METTL15: variants seen among roughly 807,000 people sequenced by gnomAD.
The protein encoded by METTL15 is methyltransferase 15, mitochondrial 12S rRNA N4-cytidine.
Under a neutral mutation model 38.3 loss-of-function variants are expected in METTL15, and 34 were observed. The ratio of observed to expected loss-of-function variants is 0.89; its 90% CI spans 0.68 to 1.18. The LOEUF is 1.18. Ranked by LOEUF, METTL15 falls within the 50% of genes most tolerant of loss-of-function variation. The pLI is 0.00. For missense variants in METTL15, 438 were observed against 498.4 expected, an observed-to-expected ratio of 0.88 and a Z score of 1.15; for synonymous variants, 162 against 170.9, an observed-to-expected ratio of 0.95 and a Z score of 0.41.
intron 6 of METTL15, among the ~76,000 whole-genome samples, chr11:28,490,314 G>T (rs1282300332): frequency 6.6e-6 from 1 of 152,130 alleles, no homozygotes; most frequent in Non-Finnish European, 1.5e-5. Context: ...CAATGATCAT[G>T]ATAGCTAAAT....
At chr11:28,221,410 A>G (rs1282073573) in intron 4 of METTL15, among the ~76,000 whole-genome samples, 1 of 152,154 alleles carries the variant, frequency 6.6e-6, no homozygotes, top group East Asian at 1.9e-4. Flanking sequence ...TTTCAGCTCC[A>G]TCAGGTTCTT....
At chr11:28,327,131 CCACAAAA>C (rs1849663164) in intron 6 of METTL15, among the ~76,000 whole-genome samples, 1 of 152,066 alleles carries the variant, frequency 6.6e-6, no homozygotes, top group East Asian at 1.9e-4. Context: ...CAAAAAAGCT[CCACAAAA>C]CACATTGCTC....
chr11:28,145,979 G>T (rs1027393165), intron 3 of METTL15, among the ~76,000 whole-genome samples: 3 of 151,898 alleles, frequency 2.0e-5, no homozygotes, highest in Middle Eastern at 3.2e-3. Flanking sequence ...GGAAATATGA[G>T]ATATTTAAAT....
intron 3 of METTL15, chr11:28,134,676 T>C (rs1287967029): frequency 2.5e-6 from 1 of 398,260 alleles, no homozygotes; most frequent in East Asian, 3.6e-5. Context: ...AAGAATGGCA[T>C]GTCCATGCAT....
intron 5 of METTL15, among the ~76,000 whole-genome samples, chr11:28,370,405 G>T (rs904895878): frequency 6.6e-6 from 1 of 151,714 alleles, no homozygotes; most frequent in Non-Finnish European, 1.5e-5. Flanking sequence ...TCTTTTTATG[G>T]CTGAATAATA....
intron 6 of METTL15, among the ~76,000 whole-genome samples, chr11:28,468,487 A>G (rs1397457684): frequency 5.9e-5 from 9 of 152,188 alleles, no homozygotes; most frequent in Non-Finnish European, 1.5e-5. Context: ...TTTTGATATA[A>G]TATTGTTTTA....
chr11:28,366,716 G>A (rs1317586635), intron 5 of METTL15, among the ~76,000 whole-genome samples: 1 of 152,090 alleles, frequency 6.6e-6, no homozygotes, highest in African/African-American at 2.4e-5. Flanking sequence ...GACAAGAGGA[G>A]GAATGAAGGT....
intron 3 of METTL15, among the ~76,000 whole-genome samples, chr11:28,338,982 A>G (rs1849926147): frequency 6.6e-6 from 1 of 152,158 alleles, no homozygotes; most frequent in Admixed American, 6.6e-5. Flanking sequence ...TGTGAGTTTC[A>G]GAAAAGGCAG....
intron 4 of METTL15, among the ~76,000 whole-genome samples, chr11:28,222,346 C>G (rs957502283): frequency 6.6e-6 from 1 of 152,204 alleles, no homozygotes; most frequent in Non-Finnish European, 1.5e-5. Flanking sequence ...ATAGGACCCT[C>G]CTAGCCATGC....
exon 8 of METTL15, chr11:28,527,023 A>G (rs1044829669): frequency 3.3e-5 from 5 of 152,240 alleles, no homozygotes; most frequent in African/African-American, 1.2e-4. Context: ...TAACACAATA[A>G]AATACTATCC....
At chr11:28,319,434 A>G (rs573346789) in intron 6 of METTL15, among the ~76,000 whole-genome samples, 1 of 151,996 alleles carries the variant, frequency 6.6e-6, no homozygotes, top group South Asian at 2.1e-4. Flanking sequence ...AAATACACAC[A>G]TATATATAAT....
At chr11:28,487,989 A>G (rs555577658) in intron 6 of METTL15, among the ~76,000 whole-genome samples, 3 of 152,198 alleles carry the variant, frequency 2.0e-5, no homozygotes, top group Non-Finnish European at 4.4e-5. Context: ...AGCTAGCATC[A>G]GAACTCTAGC....
intron 6 of METTL15, among the ~76,000 whole-genome samples, chr11:28,475,135 G>A (rs910466689): frequency 6.6e-6 from 1 of 152,176 alleles, no homozygotes; most frequent in African/African-American, 2.4e-5. Context: ...GGCTCTGGAA[G>A]GTGTAAAGGG....
At chr11:28,281,666 C>G (rs1856061835) in intron 4 of METTL15, among the ~76,000 whole-genome samples, 1 of 152,180 alleles carries the variant, frequency 6.6e-6, no homozygotes. Context: ...GGGATACAAG[C>G]TCTACAGTCA....
chr11:28,384,161 A>G (rs112766659), intron 5 of METTL15, among the ~76,000 whole-genome samples: 2 of 152,102 alleles, frequency 1.3e-5, no homozygotes, highest in African/African-American at 2.4e-5. Context: ...TATGGCTGCA[A>G]AGTATTCCAT....
rs926139019 is a variant in METTL15 at position 28,376,997 on chromosome 11, T to C, written c.*358+14961T>C. ...ATGTTGAATATTGGCCCCCACTCTC[T>C]TCTGGCTTGTAGGGTTTCTGCCGAG... On this transcript the variant is annotated intron_variant and NMD_transcript_variant, in intron 5 of 7. Coordinates refer to the METTL15 transcript ENST00000532947. Among the ~76,000 whole-genome samples the C allele has an allele frequency of 2.2e-3, 276 of 127,358 alleles. 2 individuals are homozygous for C. Among genetic ancestry groups the C allele is most frequent in the African/African-American group, 6.9e-3 (264 of 38,186 alleles). The allele number at this position is 127,358 out of a possible 152,430, so 83.6% of individuals were successfully genotyped here. A position where few individuals can be genotyped will look rare whatever the true frequency, so the allele number is the denominator to read the frequency against.
intron 6 of METTL15, among the ~76,000 whole-genome samples, chr11:28,305,352 T>C (rs562767870): frequency 2.5e-4 from 38 of 152,246 alleles, no homozygotes; most frequent in Non-Finnish European, 1.3e-4. Flanking sequence ...ATAATAATGA[T>C]AAATAATAAT....
At chr11:28,216,957 A>C (rs1474488531) in intron 4 of METTL15, among the ~76,000 whole-genome samples, 1 of 151,722 alleles carries the variant, frequency 6.6e-6, no homozygotes, top group Non-Finnish European at 1.5e-5. Context: ...AATCCAGTCT[A>C]TCATTGATGG....
chr11:28,168,534 G>A (rs546140481), intron 3 of METTL15, among the ~76,000 whole-genome samples: 41 of 151,110 alleles, frequency 2.7e-4, no homozygotes, highest in African/African-American at 9.5e-4. Flanking sequence ...AGTGACATAT[G>A]TATACATGTG....
Sources: allele counts gnomAD v4.1 joint callset (sites outside exome capture counted in the v4.1 genomes callset), GRCh38; gene constraint gnomAD v4.1.1; transcripts MANE v1.5; gene names NCBI Gene and HGNC (gene_info 2026-07-23, HGNC 2026-07-21).